Variants in NCAM1 observed in about 807,000 individuals in gnomAD.
NCAM1 encodes neural cell adhesion molecule 1, also known as antigen recognized by monoclonal antibody 5.1H11.
NCAM1 carries 14 observed loss-of-function variants against 109.8 expected under a neutral mutation model. The observed-to-expected ratio is 0.13, with a 90% CI of 0.08 to 0.20. The LOEUF (loss-of-function observed/expected upper bound fraction) is 0.20, where lower values mean the gene tolerates loss of function less well. Ranked by LOEUF, NCAM1 falls within the 10% of genes least tolerant of loss-of-function variation. The pLI, the probability that NCAM1 is intolerant of heterozygous loss-of-function variation, is 1.00. For missense variants in NCAM1, 774 were observed against 1,109.9 expected (o/e 0.70, Z 4.30); for synonymous variants, 418 against 442.9 (o/e 0.94, Z 0.70).
At chr11:113,211,830 G>A (rs1555113679) in intron 7 of NCAM1, among the ~76,000 whole-genome samples, 1 of 152,222 alleles carries the variant, frequency 6.6e-6, no homozygotes, top group Non-Finnish European at 1.5e-5. Flanking sequence ...TGGAGTTGGA[G>A]TAGACAAGGC....
intron 1 of NCAM1, among the ~76,000 whole-genome samples, chr11:113,185,900 C>G (rs1943494764): frequency 6.6e-6 from 1 of 152,278 alleles, no homozygotes; most frequent in African/African-American, 2.4e-5. Context: ...CAGGCTGTAG[C>G]AAGGAAATCT....
chr11:113,187,541 CTGTGTG>C (rs112338209), intron 1 of NCAM1, among the ~76,000 whole-genome samples: 3 of 142,200 alleles, frequency 2.1e-5, no homozygotes, highest in Non-Finnish European at 4.6e-5. Flanking sequence ...CACTGAGGAT[CTGTGTG>C]TGTGTGTGTG....
At chr11:113,191,719 G>T (rs1044856741) in intron 1 of NCAM1, among the ~76,000 whole-genome samples, 1 of 151,558 alleles carries the variant, frequency 6.6e-6, no homozygotes, top group Admixed American at 6.6e-5. Flanking sequence ...AGATACACAT[G>T]TACATACATA....
At chr11:113,074,742 C>T (rs1938450143) in intron 1 of NCAM1, among the ~76,000 whole-genome samples, 1 of 152,162 alleles carries the variant, frequency 6.6e-6, no homozygotes, top group Admixed American at 6.5e-5. Context: ...AGCGATTCTG[C>T]TGCCTCAGCC....
At chr11:113,121,537 CAAAAA>C (rs3051887) in intron 1 of NCAM1, among the ~76,000 whole-genome samples, 200 of 92,436 alleles carry the variant, frequency 2.2e-3, no homozygotes, top group Middle Eastern at 8.6e-3. Flanking sequence ...ACCAATCTTA[CAAAAA>C]AAAAAAAAAA....
At chr11:112,988,117 A>G (rs1328255053) in intron 1 of NCAM1, among the ~76,000 whole-genome samples, 1 of 152,092 alleles carries the variant, frequency 6.6e-6, no homozygotes, top group Non-Finnish European at 1.5e-5. Context: ...ATGATAGTTC[A>G]TTTTAAGCTG....
In NCAM1 at chr11:113,155,288, C is replaced by A. The variant is rs187126160; in HGVS notation, c.53-47091C>A. On this transcript the variant is annotated intron_variant, in intron 1 of 19. Transcript: ENST00000316851. ...ATCCCAGCACTTTGGGAGGCCGAGG[C>A]GGGTGGATCACTTGAGGTCATGAGT... is the stretch of plus-strand genomic sequence containing the variant. 4.1e-3 allele frequency among the ~76,000 whole-genome samples: 629 copies of A among 152,054 alleles called. 3 individuals are homozygous for A. Among genetic ancestry groups the A allele is most frequent in the African/African-American group, 0.014 (597 of 41,460 alleles).
intron 17 of NCAM1, chr11:113,265,273 T>C: frequency 1.9e-6 from 1 of 516,530 alleles, no homozygotes; most frequent in Non-Finnish European, 2.5e-6. Flanking sequence ...CCGCCTCTCA[T>C]GTACCTGGAT....
intron 1 of NCAM1, among the ~76,000 whole-genome samples, chr11:113,007,162 A>G (rs1442667242): frequency 6.6e-6 from 1 of 152,080 alleles, no homozygotes; most frequent in Admixed American, 6.5e-5. Flanking sequence ...ACATGAAGGG[A>G]GCAGGGGAAT....
intron 1 of NCAM1, among the ~76,000 whole-genome samples, chr11:113,087,048 G>T (rs1465553682): frequency 6.6e-6 from 1 of 152,192 alleles, no homozygotes; most frequent in Admixed American, 6.5e-5. Flanking sequence ...TTTTTCGACT[G>T]AGGCTTTAGA....
chr11:113,005,697 G>A lies in NCAM1; in HGVS notation c.52+44033G>A, dbSNP rs116667238. ...GAGATGGAGACCTGGCAACCTATCTGCTCATTTTACAGACTTTCAGACAAT... is the reference window on the plus strand; with the variant it reads ...GAGATGGAGACCTGGCAACCTATCTACTCATTTTACAGACTTTCAGACAAT... On this transcript the variant is annotated intron_variant, in intron 1 of 19. Coordinates refer to ENST00000316851, the MANE Select transcript of NCAM1 (RefSeq NM_181351.5). Among the ~76,000 whole-genome samples, 856 of 152,244 alleles carry A rather than the reference G, an allele frequency of 5.6e-3. 8 individuals carry two copies. The highest frequency in any genetic ancestry group is 0.02 in the African/African-American group (818 of 41,556).
intron 1 of NCAM1, among the ~76,000 whole-genome samples, chr11:113,173,966 C>A (rs556101721): frequency 2.6e-5 from 4 of 151,468 alleles, no homozygotes; most frequent in Non-Finnish European, 4.4e-5. Context: ...AATGAATGTG[C>A]TTGATGTTAA....
chr11:113,068,171 A>G (rs1218029977), intron 1 of NCAM1, among the ~76,000 whole-genome samples: 1 of 152,112 alleles, frequency 6.6e-6, no homozygotes. Context: ...TTGGCCTCCC[A>G]AAGTGCTGGG....
intron 15 of NCAM1, among the ~76,000 whole-genome samples, chr11:113,255,565 TA>T (rs1244354818): frequency 2.8e-5 from 2 of 70,490 alleles, no homozygotes; most frequent in African/African-American, 1.1e-4. Flanking sequence ...TAAGACCAGC[TA>T]AAAGGAAACA....
At chr11:113,145,673 G>C (rs782763697) in intron 1 of NCAM1, among the ~76,000 whole-genome samples, 5 of 152,072 alleles carry the variant, frequency 3.3e-5, no homozygotes, top group Admixed American at 1.3e-4. Context: ...TGTAAAGAAG[G>C]GTTTCTATTT....
chr11:113,237,115 C>G (rs1237179015), intron 14 of NCAM1, among the ~76,000 whole-genome samples: 1 of 152,118 alleles, frequency 6.6e-6, no homozygotes, highest in East Asian at 1.9e-4. Context: ...ATCATGTAAG[C>G]TGTACATAGA....
intron 1 of NCAM1, among the ~76,000 whole-genome samples, chr11:113,101,762 A>G (rs1565437074): frequency 1.3e-5 from 2 of 152,164 alleles, no homozygotes; most frequent in African/African-American, 4.8e-5. Flanking sequence ...TTTAATCCAA[A>G]CAGTCAGGCT....
intron 2 of NCAM1, among the ~76,000 whole-genome samples, chr11:113,203,330 G>A (rs1043072015): frequency 2.6e-5 from 4 of 152,186 alleles, no homozygotes; most frequent in Admixed American, 6.5e-5. Flanking sequence ...ATCTGGAGAC[G>A]CAGCCGTGGA....
chr11:113,129,496 GCATC>G (rs1329178021), intron 1 of NCAM1, among the ~76,000 whole-genome samples: 1 of 152,054 alleles, frequency 6.6e-6, no homozygotes, highest in Non-Finnish European at 1.5e-5. Context: ...AGACATATGA[GCATC>G]CATCATTTGC....
Sources: gnomAD v4.1 joint callset for allele counts (sites outside exome capture counted in the v4.1 genomes callset) on GRCh38, gnomAD v4.1.1 for gene constraint, MANE v1.5 for transcripts, NCBI Gene and HGNC (gene_info 2026-07-23, HGNC 2026-07-21) for gene names.